TRPM3: variants seen among roughly 807,000 people sequenced by gnomAD.
TRPM3 encodes long transient receptor potential channel 3.
Under a neutral mutation model 181.2 loss-of-function variants are expected in TRPM3, and 77 were observed. That is an observed-to-expected ratio of 0.42 (90% CI 0.35 to 0.51). TRPM3 has a LOEUF of 0.51. Ranked by LOEUF, TRPM3 falls within the 20% of genes least tolerant of loss-of-function variation. TRPM3 has a pLI of 0.01. For missense variants in TRPM3, 1,759 were observed against 2,196.7 expected, an observed-to-expected ratio of 0.80 and a Z score of 3.98; for synonymous variants, 745 against 796.4, an observed-to-expected ratio of 0.94 and a Z score of 1.09.
intron 1 of TRPM3, among the ~76,000 whole-genome samples, chr9:71,140,246 A>G (rs1268246109): frequency 6.6e-6 from 1 of 152,182 alleles, no homozygotes; most frequent in African/African-American, 2.4e-5. Context: ...TTAAGCAGAT[A>G]TAGGAAGCAA....
In TRPM3 at chr9:71,156,331, C is replaced by T. The variant is rs543375379; in HGVS notation, c.183+290322G>A. 8.4e-4 allele frequency among the ~76,000 whole-genome samples: 126 copies of T among 150,654 alleles called. 1 individual carries two copies. Among genetic ancestry groups the T allele is most frequent in the African/African-American group, 2.9e-3 (119 of 41,124 alleles). The stretch of plus-strand genomic sequence containing the variant: ...CTTTATATAAAAAATTAGGATACCA[C>T]GAGCACCTATCTTATTGTTCATTAG... On this transcript the variant is annotated intron_variant, in intron 1 of 24. Coordinates refer to the TRPM3 transcript ENST00000357533.
At chr9:70,957,013 T>G (rs1023833559) in intron 1 of TRPM3, among the ~76,000 whole-genome samples, 3 of 149,182 alleles carry the variant, frequency 2.0e-5, no homozygotes, top group Non-Finnish European at 4.4e-5. Context: ...CAGGCTGAAG[T>G]GCAGTGGCAT....
At chr9:71,343,109 G>C (rs567084055) in intron 1 of TRPM3, among the ~76,000 whole-genome samples, 6 of 152,048 alleles carry the variant, frequency 3.9e-5, no homozygotes, top group African/African-American at 1.2e-4. Flanking sequence ...GAAGGGAGGG[G>C]GGTAAAAGAG....
rs1587958040 is a variant in TRPM3, at chr9:70,534,832, A to G, written c.*1121T>C. 1 of 152,244 alleles carries G rather than the reference A, an allele frequency of 6.6e-6. No individual in the cohort carries two copies. The highest frequency in any genetic ancestry group is 2.4e-5 in the African/African-American group (1 of 41,442). The allele number at this position is 152,244 out of a possible 1,614,324, so 9.4% of individuals were successfully genotyped here. ...ATGGCAAAACTCTAGGTATGAAAATATCCACATATAACCATATATTCATAT... is the reference window on the plus strand; with the variant it reads ...ATGGCAAAACTCTAGGTATGAAAATGTCCACATATAACCATATATTCATAT... On this transcript the variant is annotated 3_prime_UTR_variant, in exon 26 of 26. Transcript: ENST00000677713.
At chr9:71,191,696 T>C (rs6560185) in intron 1 of TRPM3, among the ~76,000 whole-genome samples, 64,959 of 151,254 alleles carry the variant, frequency 0.43, 14,339 homozygotes, top group East Asian at 0.52. Flanking sequence ...CAATTTGGAG[T>C]AGTTCTTTTT....
intron 1 of TRPM3, among the ~76,000 whole-genome samples, chr9:71,416,565 T>C (rs1284592662): frequency 1.3e-5 from 2 of 151,872 alleles, no homozygotes; most frequent in African/African-American, 4.8e-5. Flanking sequence ...ATGTTTAAAA[T>C]TGCCAAAAAG....
At chr9:71,444,041 T>C (rs1355345099) in intron 1 of TRPM3, among the ~76,000 whole-genome samples, 3 of 151,982 alleles carry the variant, frequency 2.0e-5, no homozygotes, top group Non-Finnish European at 4.4e-5. Context: ...TAGCTGGGTG[T>C]GGTGGTGCGT....
chr9:70,998,397 G>A (rs1299132955), intron 1 of TRPM3, among the ~76,000 whole-genome samples: 1 of 151,860 alleles, frequency 6.6e-6, no homozygotes, highest in Non-Finnish European at 1.5e-5. Context: ...GGAGAGGAAG[G>A]TACAGAGATT....
intron 1 of TRPM3, among the ~76,000 whole-genome samples, chr9:71,061,143 T>C (rs1391510743): frequency 6.6e-6 from 1 of 152,092 alleles, no homozygotes; most frequent in Non-Finnish European, 1.5e-5. Flanking sequence ...GAAAGCCACC[T>C]GGAGCACTGG....
rs1415739241 is a variant in TRPM3, at chr9:71,399,521, C to CTTT, written c.183+47129_183+47131dup. 2.7e-4 allele frequency among the ~76,000 whole-genome samples: 29 copies of CTTT among 107,506 alleles called. 2 individuals are homozygous for CTTT. The highest frequency in any genetic ancestry group is 5.6e-4 in the East Asian group (2 of 3,558). 70.5% of individuals were successfully genotyped at this position (107,506 alleles called of 152,430 possible). A position where few individuals can be genotyped will look rare whatever the true frequency, so the allele number is the denominator to read the frequency against. On this transcript the variant is annotated intron_variant, in intron 1 of 24. Transcript: ENST00000357533. ...ATATTCATTTTACTCCTTATATTTT[C>CTTT]TTTTGTTTTTTTTTTTTTTTTTTTT...
chr9:71,196,013 T>C (rs1173088792), intron 1 of TRPM3, among the ~76,000 whole-genome samples: 1 of 151,930 alleles, frequency 6.6e-6, no homozygotes, highest in Non-Finnish European at 1.5e-5. Flanking sequence ...AAATAAGTAT[T>C]GGGTACTACG....
intron 1 of TRPM3, among the ~76,000 whole-genome samples, chr9:71,032,240 G>T (rs2057619474): frequency 7.7e-6 from 1 of 130,206 alleles, no homozygotes; most frequent in African/African-American, 2.8e-5. Context: ...GAAAGAAGCA[G>T]AAACACTGCA....
chr9:71,193,606 T>C (rs899545480), intron 1 of TRPM3, among the ~76,000 whole-genome samples: 13 of 151,924 alleles, frequency 8.6e-5, no homozygotes, highest in Non-Finnish European at 7.4e-5. Context: ...GAAATTTATC[T>C]ATTAAATCTG....
chr9:70,904,871 C>T (rs1464755029), intron 1 of TRPM3, among the ~76,000 whole-genome samples: 1 of 152,264 alleles, frequency 6.6e-6, no homozygotes, highest in Middle Eastern at 3.4e-3. Context: ...GCTTTTCTAA[C>T]AATTTTGTTT....
intron 1 of TRPM3, among the ~76,000 whole-genome samples, chr9:70,915,546 C>G (rs1269710238): frequency 1.3e-5 from 2 of 151,102 alleles, no homozygotes; most frequent in East Asian, 3.9e-4. Context: ...ACTTTGTGAT[C>G]TGCCCGCCTT....
intron 1 of TRPM3, among the ~76,000 whole-genome samples, chr9:71,272,243 T>C (rs1432052914): frequency 6.6e-6 from 1 of 152,180 alleles, no homozygotes; most frequent in African/African-American, 2.4e-5. Flanking sequence ...AGAATTGGTA[T>C]TGAGAGAAAC....
chr9:70,781,493 G>A (rs1431258325), intron 7 of TRPM3, among the ~76,000 whole-genome samples: 1 of 151,840 alleles, frequency 6.6e-6, no homozygotes, highest in African/African-American at 2.4e-5. Context: ...GATTTCTTTG[G>A]AATACCAATA....
At chr9:71,208,042 C>T (rs1415423996) in intron 1 of TRPM3, among the ~76,000 whole-genome samples, 3 of 152,118 alleles carry the variant, frequency 2.0e-5, no homozygotes, top group African/African-American at 7.2e-5. Flanking sequence ...CAGAGTAGGG[C>T]CGGAATTATT....
chr9:70,947,115 C>G (rs1020188011), intron 1 of TRPM3, among the ~76,000 whole-genome samples: 1 of 152,172 alleles, frequency 6.6e-6, no homozygotes, highest in African/African-American at 2.4e-5. Context: ...TGTATACATA[C>G]AGTCAGCTTT....
Sources: gnomAD v4.1 joint callset for allele counts (sites outside exome capture counted in the v4.1 genomes callset) on GRCh38, gnomAD v4.1.1 for gene constraint, MANE v1.5 for transcripts, NCBI Gene and HGNC (gene_info 2026-07-23, HGNC 2026-07-21) for gene names.